Variants in GOLIM4 observed in about 807,000 individuals in gnomAD.
GOLIM4 encodes 130 kDa golgi-localized phosphoprotein.
Under a neutral mutation model 107.4 loss-of-function variants are expected in GOLIM4, and 71 were observed. The observed-to-expected ratio is 0.66, with a 90% CI of 0.55 to 0.81. GOLIM4 has a LOEUF of 0.81. GOLIM4 is among the 30% of genes least tolerant of loss of function. GOLIM4 has a pLI of 0.00. For synonymous variants in GOLIM4, 327 were observed against 294.8 expected (o/e 1.11, Z -1.12); for missense variants, 830 against 826.1 (o/e 1.00, Z -0.06).
rs1053498542 is a variant in GOLIM4, at chr3:168,015,084, A to G, written c.1861-4261T>C. Among the ~76,000 whole-genome samples the G allele has an allele frequency of 6.1e-4, 93 of 151,614 alleles. 1 individual carries two copies. The highest frequency in any genetic ancestry group is 2.2e-3 in the African/African-American group (90 of 41,182). ...GAAATAAAGGCTATTCAATTAGGAA[A>G]AGAGGAAGTCAAATTGTCCCTGTTT... On this transcript the variant is annotated intron_variant, in intron 14 of 15. Transcript: ENST00000470487.
At chr3:168,040,646 T>C in intron 7 of GOLIM4, 140 bp downstream of exon 7, 1 of 528,904 alleles carries the variant, frequency 1.9e-6, no homozygotes, top group Non-Finnish European at 3.4e-6. Flanking sequence ...TTTGAAAGCA[T>C]GCATGATCCT....
intron 3 of GOLIM4, 48 bp downstream of exon 3, chr3:168,046,902 A>G (rs766123753): frequency 7.8e-6 from 8 of 1,025,194 alleles, no homozygotes; most frequent in Non-Finnish European, 1.0e-5. Flanking sequence ...GTTTTATGAA[A>G]ACAAATTAAG....
At chr3:168,017,987 T>C (rs769381203) in intron 14 of GOLIM4, among the ~76,000 whole-genome samples, 32 of 152,310 alleles carry the variant, frequency 2.1e-4, no homozygotes, top group Non-Finnish European at 4.0e-4. Context: ...AATGATCATA[T>C]CTCACAGAAA....
At chr3:168,050,436 G>A (rs1719553154) in intron 1 of GOLIM4, among the ~76,000 whole-genome samples, 1 of 152,080 alleles carries the variant, frequency 6.6e-6, no homozygotes. Flanking sequence ...ACATCACGAA[G>A]CCAGGCCCTG....
At chr3:168,064,794 G>A (rs1025183122) in intron 1 of GOLIM4, among the ~76,000 whole-genome samples, 1 of 152,008 alleles carries the variant, frequency 6.6e-6, no homozygotes, top group African/African-American at 2.4e-5. Context: ...CTGTGGAAAG[G>A]TGCATGACTG....
intron 1 of GOLIM4, among the ~76,000 whole-genome samples, chr3:168,090,757 A>G (rs1341880946): frequency 6.6e-6 from 1 of 152,210 alleles, no homozygotes. Flanking sequence ...CAGCAAAGAT[A>G]TGGAATCAAC....
Position 168,083,995 on chromosome 3 carries a change from A to G in GOLIM4, c.187+11104T>C, listed in dbSNP as rs74778171. ...TCTTCAGTGCTTACACTGTTTATCA[A>G]TCTCTTGGATCTCTTGCTGATATGG... On this transcript the variant is annotated intron_variant, in intron 1 of 15. Transcript: ENST00000470487. 7.8e-3 allele frequency among the ~76,000 whole-genome samples: 1,192 copies of G among 152,256 alleles called. 19 individuals are homozygous for G. The highest frequency in any genetic ancestry group is 0.026 in the African/African-American group (1,095 of 41,562).
At chr3:168,045,042 A>C (rs1719223036) in intron 3 of GOLIM4, among the ~76,000 whole-genome samples, 161 bp from the exon 4 acceptor site, 1 of 152,258 alleles carries the variant, frequency 6.6e-6, no homozygotes, top group Non-Finnish European at 1.5e-5. Flanking sequence ...TCGATTTAAC[A>C]CAGAAATGAA....
chr3:168,087,460 G>A (rs1188723377), intron 1 of GOLIM4, among the ~76,000 whole-genome samples: 2 of 152,040 alleles, frequency 1.3e-5, no homozygotes, highest in African/African-American at 4.8e-5. Context: ...TTCATTATAT[G>A]ATTCACTGTC....
chr3:168,091,597 T>C (rs1238169022), intron 1 of GOLIM4, among the ~76,000 whole-genome samples: 2 of 152,104 alleles, frequency 1.3e-5, no homozygotes, highest in Non-Finnish European at 2.9e-5. Context: ...ATTTCAAAAT[T>C]TGAAATTACC....
At chr3:168,074,984 T>A (rs1720999964) in intron 1 of GOLIM4, among the ~76,000 whole-genome samples, 2 of 152,158 alleles carry the variant, frequency 1.3e-5, no homozygotes, top group Non-Finnish European at 2.9e-5. Context: ...TAGTTAAAAA[T>A]TATAACTCTT....
intron 1 of GOLIM4, among the ~76,000 whole-genome samples, chr3:168,070,037 T>C (rs542645271): frequency 6.6e-6 from 1 of 152,274 alleles, no homozygotes; most frequent in South Asian, 2.1e-4. Context: ...AATCCTTACT[T>C]TACTAGGCAA....
At position 168,022,568 on chromosome 3, in the gene GOLIM4, G is replaced by A. The variant is rs573626160; in HGVS notation, c.1860+1958C>T. ...GGGAACCACTCTTCTCCTCTCTCAA[G>A]GGAAGACCTGGGAACGATGGACAGA... On this transcript the variant is annotated intron_variant, in intron 14 of 15. Transcript: ENST00000470487. 7.9e-5 allele frequency among the ~76,000 whole-genome samples: 12 copies of A among 152,222 alleles called. No individual in the cohort carries two copies. The South Asian group carries it at 2.1e-3, about 26-fold the overall frequency.
intron 1 of GOLIM4, among the ~76,000 whole-genome samples, chr3:168,079,511 C>T (rs908071587): frequency 5.9e-5 from 9 of 152,114 alleles, no homozygotes; most frequent in African/African-American, 1.9e-4. Context: ...GAAGTCTCAT[C>T]AAGCTGTTTG....
chr3:168,012,782 C>A (rs865888888), intron 14 of GOLIM4, among the ~76,000 whole-genome samples: 2 of 152,060 alleles, frequency 1.3e-5, no homozygotes, highest in African/African-American at 2.4e-5. Flanking sequence ...TCATATCCAG[C>A]CAAACTAAGC....
chr3:168,052,686 G>A (rs6764936), intron 1 of GOLIM4, among the ~76,000 whole-genome samples: 7,528 of 152,078 alleles, frequency 0.05, 486 homozygotes, highest in African/African-American at 0.15. Flanking sequence ...GCATTCTCCA[G>A]GCTTTTGAGC....
chr3:168,068,504 GT>G (rs1199921211), intron 1 of GOLIM4, among the ~76,000 whole-genome samples: 1 of 151,908 alleles, frequency 6.6e-6, no homozygotes, highest in African/African-American at 2.4e-5. Flanking sequence ...ATAAAAATAT[GT>G]TTAAAAACAA....
intron 14 of GOLIM4, among the ~76,000 whole-genome samples, chr3:168,022,980 T>C (rs1408775353): frequency 6.6e-6 from 1 of 152,212 alleles, no homozygotes; most frequent in Non-Finnish European, 1.5e-5. Context: ...GCACCATTTC[T>C]CCTTTCCTCT....
intron 9 of GOLIM4, among the ~76,000 whole-genome samples, chr3:168,030,381 G>A (rs1033575036): frequency 2.0e-5 from 3 of 152,184 alleles, no homozygotes; most frequent in Middle Eastern, 3.4e-3. Flanking sequence ...GGTAACTTTG[G>A]TAACTTCACA....
Sources: allele counts gnomAD v4.1 joint callset (sites outside exome capture counted in the v4.1 genomes callset), GRCh38; gene constraint gnomAD v4.1.1; transcripts MANE v1.5; gene names NCBI Gene and HGNC (gene_info 2026-07-23, HGNC 2026-07-21).